The following HDAC8 variants were observed in gnomAD, a reference collection of about 807,000 sequenced individuals.
The protein encoded by HDAC8 is histone deacetylase-like 1.
HDAC8 carries 1 observed loss-of-function variant against 32.2 expected under a neutral mutation model. The ratio of observed to expected loss-of-function variants is 0.03; its 90% CI spans 0.01 to 0.15. The LOEUF (loss-of-function observed/expected upper bound fraction) is 0.15, where lower values mean the gene tolerates loss of function less well. HDAC8 is among the 10% of genes least tolerant of loss of function. HDAC8 has a pLI of 1.00. For synonymous variants in HDAC8, 108 were observed against 113.9 expected (o/e 0.95, Z 0.33); for missense variants, 117 against 300.0 (o/e 0.39, Z 4.51).
At chrX:72,542,161 T>A (rs1556043616) in intron 4 of HDAC8, among the ~76,000 whole-genome samples, 1 of 112,358 alleles carries the variant, frequency 8.9e-6, no homozygotes, top group African/African-American at 3.2e-5. Context: ...TGTCATTAAT[T>A]TTGTTCATAC....
intron 9 of HDAC8, among the ~76,000 whole-genome samples, chrX:72,412,222 G>A (rs147238233): frequency 3.3e-4 from 37 of 111,831 alleles, no homozygotes; most frequent in African/African-American, 1.1e-3. Flanking sequence ...GATTTTTGAG[G>A]TAACATGTTA....
At chrX:72,340,801 C>T (rs1365805155) in intron 10 of HDAC8, among the ~76,000 whole-genome samples, 1 of 111,727 alleles carries the variant, frequency 9.0e-6, no homozygotes, top group East Asian at 2.8e-4. Flanking sequence ...GTTTACAGTC[C>T]CAATGGTCCC....
chrX:72,514,518 A>G (rs1033109112), intron 4 of HDAC8, among the ~76,000 whole-genome samples: 15 of 112,425 alleles, frequency 1.3e-4, no homozygotes, highest in African/African-American at 4.8e-4. Flanking sequence ...AGTTTTTCTC[A>G]AATAAAATTT....
At chrX:72,525,838 A>AAAAC (rs2050134985) in intron 4 of HDAC8, among the ~76,000 whole-genome samples, 5 of 101,452 alleles carry the variant, frequency 4.9e-5, no homozygotes, top group African/African-American at 1.5e-4. Flanking sequence ...AAAAAAAAAA[A>AAAAC]AAAAAAATCC....
intron 4 of HDAC8, among the ~76,000 whole-genome samples, chrX:72,540,223 A>G (rs2050659609): frequency 8.9e-6 from 1 of 112,937 alleles, no homozygotes; most frequent in African/African-American, 3.2e-5. Context: ...TGAACTCTGA[A>G]GAATGGTTTC....
At chrX:72,439,379 T>C (rs912508275) in intron 9 of HDAC8, among the ~76,000 whole-genome samples, 3 of 111,199 alleles carry the variant, frequency 2.7e-5, no homozygotes, top group Non-Finnish European at 3.8e-5. Context: ...GTAAAGACCA[T>C]TGATACTATG....
chrX:72,370,724 G>A (rs1460785107), intron 9 of HDAC8, among the ~76,000 whole-genome samples: 1 of 112,233 alleles, frequency 8.9e-6, no homozygotes, highest in Non-Finnish European at 1.9e-5. Flanking sequence ...GAGGAGCAAG[G>A]AGAGCCAGTC....
At chrX:72,431,203 C>T (rs978705558) in intron 9 of HDAC8, among the ~76,000 whole-genome samples, 17 of 111,762 alleles carry the variant, frequency 1.5e-4, no homozygotes, top group African/African-American at 5.5e-4. Flanking sequence ...AAAATCACCA[C>T]TCCAAGTCAA....
chrX:72,466,351 G>A (rs1303504302), intron 7 of HDAC8, among the ~76,000 whole-genome samples: 6 of 111,828 alleles, frequency 5.4e-5, no homozygotes, highest in Admixed American at 9.5e-5. Context: ...CATGTAGCCC[G>A]GAAATAGAGG....
chrX:72,454,052 C>T lies in HDAC8; in HGVS notation c.1005+7952G>A, dbSNP rs1376691374. ...GTATAAGAAAAATGAACTGAAGTTC[C>T]TAGGCAGAATGCAGTTTGTGCCAGA... On this transcript the variant is annotated intron_variant, in intron 9 of 10. Coordinates refer to ENST00000373573, the MANE Select transcript of HDAC8 (RefSeq NM_018486.3). 2.7e-5 allele frequency among the ~76,000 whole-genome samples: 3 copies of T among 111,577 alleles called. No individual in the cohort carries two copies. The East Asian group carries it at 8.4e-4, about 31-fold the overall frequency.
intron 7 of HDAC8, among the ~76,000 whole-genome samples, chrX:72,475,573 A>G (rs1485222589): frequency 8.9e-6 from 1 of 111,810 alleles, no homozygotes; most frequent in Non-Finnish European, 1.9e-5. Flanking sequence ...CTGAATATCT[A>G]TTACAAATGG....
chrX:72,472,667 G>T (rs1344308516), intron 7 of HDAC8, among the ~76,000 whole-genome samples: 4 of 111,588 alleles, frequency 3.6e-5, no homozygotes, highest in Non-Finnish European at 5.6e-5. Context: ...TGAATTTCTG[G>T]ATACATTTTA....
chrX:72,512,921 C>T (rs2049640110), intron 4 of HDAC8, among the ~76,000 whole-genome samples: 1 of 111,500 alleles, frequency 9.0e-6, no homozygotes, highest in Non-Finnish European at 1.9e-5. Context: ...CTCACTATTG[C>T]CCTCAAGTAC....
chrX:72,454,270 C>T (rs1172809827), intron 9 of HDAC8, among the ~76,000 whole-genome samples: 1 of 111,772 alleles, frequency 8.9e-6, no homozygotes, highest in Non-Finnish European at 1.9e-5. Context: ...CATGCTGTTA[C>T]CCTGGTGGCA....
chrX:72,506,665 G>A (rs1186022056), intron 4 of HDAC8, among the ~76,000 whole-genome samples: 2 of 110,651 alleles, frequency 1.8e-5, no homozygotes, highest in Admixed American at 1.9e-4. Context: ...TTGGCAGGGG[G>A]AAACCACATA....
intron 10 of HDAC8, chrX:72,351,262 G>A: frequency 5.3e-6 from 1 of 187,996 alleles, no homozygotes; most frequent in Non-Finnish European, 9.9e-6. Context: ...ACTATGCCTG[G>A]CTAATTTTTA....
intron 9 of HDAC8, among the ~76,000 whole-genome samples, chrX:72,355,194 A>C (rs1459663880): frequency 1.8e-5 from 2 of 112,198 alleles, no homozygotes; most frequent in Non-Finnish European, 3.8e-5. Flanking sequence ...GGTGGAAAGG[A>C]AATATGATCA....
intron 9 of HDAC8, 21 bp from the exon 10 acceptor site, chrX:72,351,859 C>G: frequency 9.1e-7 from 1 of 1,101,273 alleles, no homozygotes; most frequent in Non-Finnish European, 1.2e-6. Flanking sequence ...AAGGGAAAGG[C>G]CAAAAAACAA....
chrX:72,571,537 TTTTC>T (rs1302161205), intron 2 of HDAC8, among the ~76,000 whole-genome samples: 16 of 99,798 alleles, frequency 1.6e-4, no homozygotes, highest in Non-Finnish European at 2.8e-4. Context: ...TTTCTTTTCT[TTTTC>T]TTTCTTTCTT....
Sources: gnomAD v4.1 joint callset for allele counts (sites outside exome capture counted in the v4.1 genomes callset) on GRCh38, gnomAD v4.1.1 for gene constraint, MANE v1.5 for transcripts, NCBI Gene and HGNC (gene_info 2026-07-23, HGNC 2026-07-21) for gene names.